GLIS2: variants seen among roughly 807,000 people sequenced by gnomAD.
GLIS2 encodes the protein zinc finger protein GLIS2.
Under a neutral mutation model 35.6 loss-of-function variants are expected in GLIS2, and 14 were observed. That is an observed-to-expected ratio of 0.39 (90% confidence interval 0.26 to 0.61). The LOEUF is 0.61. GLIS2 is among the 20% of genes least tolerant of loss of function. The pLI is 0.48. For synonymous variants in GLIS2, 368 were observed against 325.1 expected (o/e 1.13, Z -1.42); for missense variants, 675 against 713.4 (o/e 0.95, Z 0.61).
At chr16:4,319,720 C>G (rs1173484009) in intron 1 of GLIS2, among the ~76,000 whole-genome samples, 2 of 152,010 alleles carry the variant, frequency 1.3e-5, no homozygotes, top group Non-Finnish European at 2.9e-5. Flanking sequence ...GGGGGCACTG[C>G]TTTGATCCCA....
intron 1 of GLIS2, among the ~76,000 whole-genome samples, chr16:4,322,402 C>T (rs114061074): frequency 9.8e-5 from 15 of 152,298 alleles, no homozygotes; most frequent in South Asian, 2.1e-4. Context: ...GGTCTGCTGG[C>T]GAACCCAGCT....
At position 4,336,657 on chromosome 16, in the gene GLIS2, G is replaced by C. The variant is rs113253756; in HGVS notation, c.776-68G>C. On this transcript the variant is annotated intron_variant, in intron 6 of 6. Coordinates refer to ENST00000433375, the MANE Select transcript of GLIS2 (RefSeq NM_032575.3). Reference sequence around the variant, plus strand: ...AGTGCTTGGCCCGGGGAAATGTTGAGTGCATGGGGTGAGACCCAGGAAGGG... The same window carrying C: ...AGTGCTTGGCCCGGGGAAATGTTGACTGCATGGGGTGAGACCCAGGAAGGG... 9 of 1,470,974 alleles carry C rather than the reference G, an allele frequency of 6.1e-6. 1 individual carries two copies. In the South Asian group the frequency reaches 1.1e-4, roughly 18 times the overall value. The allele number at this position is 1,470,974 out of a possible 1,614,324, so 91.1% of individuals were successfully genotyped here. A position where few individuals can be genotyped will look rare whatever the true frequency, so the allele number is the denominator to read the frequency against.
rs2053551843 is a variant in GLIS2 at position 4,336,414 on chromosome 16, T to A, written c.776-311T>A. The stretch of plus-strand genomic sequence containing the variant: ...TGCCTGCCTTGGCCTCCCAAAGTGC[T>A]GAAATTACAGGCGTGAGCCACCGGG... On this transcript the variant is annotated intron_variant, in intron 6 of 6. Transcript: ENST00000433375. The A allele has an allele frequency of 7.3e-6, 4 of 548,124 alleles. No individual in the cohort carries two copies. The African/African-American group carries it at 7.6e-5, about 10-fold the overall frequency. 34.0% of individuals were successfully genotyped at this position (548,124 alleles called of 1,614,324 possible).
Position 4,332,432 on chromosome 16 carries a change from C to T in GLIS2, c.152C>T (p.Ser51Phe), listed in dbSNP as rs1377394134. 6.2e-7 allele frequency: 1 copy of T among 1,612,034 alleles called. No homozygotes were observed. The highest frequency in any genetic ancestry group is 1.3e-5 in the African/African-American group (1 of 74,902). ...GTGGATGACAGCCCCACACCTGGCT[C>T]TCCAGGCTCCCCGCCCTCAGGTACT... Reference protein sequence around the residue: ...GLVDDSPTPGSPGSPPSGFLL... With the variant: ...GLVDDSPTPGFPGSPPSGFLL... The change falls in exon 2 of 7, where the codon TCT becomes TTT. Residue 51 changes from serine to phenylalanine, a missense_variant. Ser to Phe is a radical substitution (Grantham distance 155). Coordinates refer to ENST00000433375, the MANE Select transcript of GLIS2 (RefSeq NM_032575.3). This position sits in a 1 kb window ranked among gnomAD's most constrained non-coding sequence, Gnocchi z 5.4.
At chr16:4,319,524 C>T (rs2053352656) in intron 1 of GLIS2, among the ~76,000 whole-genome samples, 1 of 152,188 alleles carries the variant, frequency 6.6e-6, no homozygotes, top group Non-Finnish European at 1.5e-5. Context: ...CCTGCCCCAG[C>T]CTGCTGCCAG....
At chr16:4,318,299 T>C (rs1484018167) in intron 1 of GLIS2, among the ~76,000 whole-genome samples, 1 of 152,034 alleles carries the variant, frequency 6.6e-6, no homozygotes, top group East Asian at 1.9e-4. Context: ...GCCTTGTCTA[T>C]GAAACCAAGG....
intron 1 of GLIS2, among the ~76,000 whole-genome samples, chr16:4,328,590 A>T (rs748285610): frequency 7.9e-5 from 12 of 152,256 alleles, no homozygotes; most frequent in Admixed American, 1.3e-4. Flanking sequence ...GGGGGCAGGG[A>T]CGCAGGCCGT....
In GLIS2 at chr16:4,332,176, G is replaced by A. The variant is rs2053503803; in HGVS notation, c.-66-39G>A. 2.9e-6 allele frequency: 4 copies of A among 1,364,778 alleles called. No individual in the cohort carries two copies. 84.5% of individuals were successfully genotyped at this position (1,364,778 alleles called of 1,614,324 possible). On this transcript the variant is annotated intron_variant, in intron 1 of 6. Transcript: ENST00000433375. This position sits in a 1 kb window ranked among gnomAD's most constrained non-coding sequence, Gnocchi z 5.4. ...TGAGTACAGCCCGAGGAGAAGCCTG[G>A]GGTCTCAGTGCCACAGCACAGCTCC...
rs772155768 is a variant in GLIS2, at chr16:4,336,751, G to T, written c.802G>T (p.Glu268Ter). Residue 268 changes from glutamate to a stop codon, truncating the protein, a stop_gained, in exon 7 of 7, where the codon GAG (glutamate) becomes TAG (stop). Transcript: ENST00000433375. LOFTEE classifies it high-confidence loss of function. ...TGEKPYVCPYEGCNKRYSNSS... is the reference protein window; with the variant it reads ...TGEKPYVCPY ...TGAGAAGCCCTACGTCTGCCCCTAC[G>T]AGGGCTGCAACAAGCGCTATTCCAA... The T allele has an allele frequency of 6.2e-7, 1 of 1,608,528 alleles. No individual in the cohort carries two copies.
chr16:4,315,660 G>A (rs1267261029), upstream of GLIS2, among the ~76,000 whole-genome samples: 1 of 143,046 alleles, frequency 7.0e-6, no homozygotes, highest in East Asian at 2.0e-4. Flanking sequence ...GCCGGGGGCG[G>A]GGCCGCGGGG....
At chr16:4,336,234 C>G (rs936177374) in intron 6 of GLIS2, 1 of 273,072 alleles carries the variant, frequency 3.7e-6, no homozygotes, top group Admixed American at 4.7e-5. Flanking sequence ...GCAACCTCTG[C>G]CTCCCAGGTT....
rs1456889006 is a variant in GLIS2, at chr16:4,332,291, T to G, written c.11T>G (p.Leu4Arg). Residue 4 changes from leucine (L) to arginine (R), a missense_variant, in exon 2 of 7, where the codon CTG becomes CGG. By Grantham distance (102) the Leu-to-Arg change is moderately radical (BLOSUM62 -2). Coordinates refer to ENST00000433375, the MANE Select transcript of GLIS2 (RefSeq NM_032575.3). The surrounding 1 kb of genome is among the most constrained non-coding windows in gnomAD (Gnocchi z 5.4). MHS[L>R]DEPLDLKLSI... ...TCCGGCCCCCTCACCATGCACTCCCTGGACGAGCCGCTCGACCTGAAGCTG... is the reference window on the plus strand; with the variant it reads ...TCCGGCCCCCTCACCATGCACTCCCGGGACGAGCCGCTCGACCTGAAGCTG... 1.9e-6 allele frequency: 3 copies of G among 1,612,106 alleles called. No individual in the cohort carries two copies. In the East Asian group the frequency reaches 6.7e-5, roughly 36 times the overall value.
chr16:4,316,309 G>T (rs1320427671), intron 1 of GLIS2, among the ~76,000 whole-genome samples, 55 bp downstream of exon 1: 2 of 144,146 alleles, frequency 1.4e-5, no homozygotes, highest in Non-Finnish European at 3.1e-5. Context: ...CGGGGGGGGG[G>T]GGGCCCGCCT....
chr16:4,333,235 G>C (rs1282947844), intron 2 of GLIS2, 112 bp from the exon 3 acceptor site: 1 of 1,175,574 alleles, frequency 8.5e-7, no homozygotes, highest in Non-Finnish European at 1.2e-6. Flanking sequence ...GTGTGGTCTG[G>C]GGGCATGGCT....
Position 4,337,286 on chromosome 16 carries a change from AG to A in GLIS2, c.1341del (p.Arg448ValfsTer76). On this transcript the variant is annotated frameshift_variant, in exon 7 of 7. Transcript: ENST00000433375. LOFTEE classifies it high-confidence loss of function. Reference sequence around the variant, plus strand: ...GCTGGTGGCAAGGCCGAGGGGGAGAAGGGGCGTGGGTCGGTGCCCACCAGGG... The same window carrying A: ...GCTGGTGGCAAGGCCGAGGGGGAGAAGGGCGTGGGTCGGTGCCCACCAGGG... Reference protein sequence around the residue: ...GAAGGKAEGEKGRGSVPTRAL... With the variant: ...GAAGGKAEGEXGRGSVPTRAL... 1 of 1,553,012 alleles carries A rather than the reference AG, an allele frequency of 6.4e-7. No homozygotes were observed. The highest frequency in any genetic ancestry group is 8.7e-7 in the Non-Finnish European group (1 of 1,149,898).
chr16:4,324,834 A>T (rs2053413531), intron 1 of GLIS2: 1 of 152,300 alleles, frequency 6.6e-6, no homozygotes, highest in Non-Finnish European at 1.5e-5. Flanking sequence ...GATGAGGCGC[A>T]GACTGAAGAG....
chr16:4,337,579 G>T lies in GLIS2; in HGVS notation c.*55G>T. The T allele has an allele frequency of 2.0e-6, 3 of 1,535,294 alleles. No homozygotes were observed. The highest frequency in any genetic ancestry group is 2.6e-6 in the Non-Finnish European group (3 of 1,146,010). Reference sequence around the variant, plus strand: ...CCCGGCAGCTCCCGGCACTGCCCCCGACGAACGGAAACTCTTCTGTGAAAT... The same window carrying T: ...CCCGGCAGCTCCCGGCACTGCCCCCTACGAACGGAAACTCTTCTGTGAAAT... On this transcript the variant is annotated 3_prime_UTR_variant, in exon 7 of 7. Transcript: ENST00000433375.
chr16:4,328,295 C>T (rs545194165), intron 1 of GLIS2: 4 of 152,570 alleles, frequency 2.6e-5, no homozygotes, highest in Admixed American at 1.3e-4. Flanking sequence ...CTGCTCCCCG[C>T]TCTGGGCCTC....
intron 1 of GLIS2, among the ~76,000 whole-genome samples, chr16:4,331,943 C>CT (rs1478579806): frequency 6.6e-6 from 1 of 152,124 alleles, no homozygotes; most frequent in African/African-American, 2.4e-5. Context: ...GAGCGAGACT[C>CT]TGTCAGCAAA....
Sources: gnomAD v4.1 joint callset for allele counts (sites outside exome capture counted in the v4.1 genomes callset) on GRCh38, gnomAD v4.1.1 for gene constraint, Gnocchi (gnomAD v3.1) non-coding constraint, MANE v1.5 for transcripts, NCBI Gene and HGNC (gene_info 2026-07-23, HGNC 2026-07-21) for gene names.